MROH2A: variants seen among roughly 807,000 people sequenced by gnomAD.
The protein encoded by MROH2A is maestro heat like repeat family member 2A, also known as maestro heat-like repeat-containing protein family member 2A.
Under a neutral mutation model 200.4 loss-of-function variants are expected in MROH2A, and 174 were observed. The ratio of observed to expected loss-of-function variants is 0.87; its 90% CI spans 0.77 to 0.98. The LOEUF is 0.98. Ranked by LOEUF, MROH2A falls within the 50% of genes least tolerant of loss-of-function variation. The probability of loss-of-function intolerance (pLI) is 0.00; values close to 1 mark genes in which losing one functional copy is unlikely to be tolerated. For synonymous variants in MROH2A, 829 were observed against 840.4 expected, an observed-to-expected ratio of 0.99 and a Z score of 0.23; for missense variants, 2,045 against 2,139.6, an observed-to-expected ratio of 0.96 and a Z score of 0.87.
chr2:233,797,551 G>A (rs891697374), intron 11 of MROH2A, among the ~76,000 whole-genome samples: 1 of 152,184 alleles, frequency 6.6e-6, no homozygotes, highest in African/African-American at 2.4e-5. Context: ...ACAACGTGGG[G>A]CAGTATTTAT....
At chr2:233,808,071 C>T (rs571532395) in intron 21 of MROH2A, among the ~76,000 whole-genome samples, 1 of 152,320 alleles carries the variant, frequency 6.6e-6, no homozygotes, top group African/African-American at 2.4e-5. Context: ...CTTTCCAGGA[C>T]CCAGATACTG....
chr2:233,811,014 G>A, intron 23 of MROH2A, 98 bp downstream of exon 23: 1 of 1,352,646 alleles, frequency 7.4e-7, no homozygotes, highest in Non-Finnish European at 1.0e-6. Context: ...CATCTGCAGA[G>A]CTCTCTGAAG....
intron 37 of MROH2A, among the ~76,000 whole-genome samples, chr2:233,829,307 G>C (rs551400573): frequency 6.6e-6 from 1 of 152,082 alleles, no homozygotes; most frequent in African/African-American, 2.4e-5. Context: ...GGAGGGAAGG[G>C]TCTCCCCCTT....
At position 233,820,373 on chromosome 2, in the gene MROH2A, A is replaced by G. The variant is rs1238403279; in HGVS notation, c.3512+317A>G. Among the ~76,000 whole-genome samples the G allele has an allele frequency of 1.3e-5, 2 of 152,194 alleles. No individual in the cohort carries two copies. The highest frequency in any genetic ancestry group is 2.4e-5 in the African/African-American group (1 of 41,458). On this transcript the variant is annotated intron_variant, in intron 31 of 41. Coordinates refer to ENST00000389758, the MANE Select transcript of MROH2A (RefSeq NM_001394639.1). This position sits in a 1 kb window ranked among gnomAD's most constrained non-coding sequence, Gnocchi z 4.1. ...CCTTCCCTGTGAACAGAGCTCCAGC[A>G]GATGGGCTGCAGGGTGCGGCTCCAA...
chr2:233,823,994 G>A (rs922608685), intron 35 of MROH2A, among the ~76,000 whole-genome samples: 4 of 152,154 alleles, frequency 2.6e-5, no homozygotes. Flanking sequence ...AGAGGCCGAG[G>A]GGCTTTGCTA....
intron 24 of MROH2A, among the ~76,000 whole-genome samples, chr2:233,812,920 G>A (rs902908679): frequency 2.0e-5 from 3 of 152,184 alleles, no homozygotes; most frequent in African/African-American, 4.8e-5. Context: ...AGACACTTTG[G>A]GGGAGCAGGA....
intron 13 of MROH2A, 64 bp from the exon 14 acceptor site, chr2:233,800,141 C>A: frequency 7.9e-7 from 1 of 1,260,108 alleles, no homozygotes; most frequent in Non-Finnish European, 1.1e-6. Context: ...GAGGAGACCA[C>A]ACCTGAGACC....
At chr2:233,821,585 G>A (rs1703939436) in intron 31 of MROH2A, among the ~76,000 whole-genome samples, 1 of 152,176 alleles carries the variant, frequency 6.6e-6, no homozygotes, top group Admixed American at 6.5e-5. Context: ...ACCTATCCTG[G>A]GGGACATCCC....
chr2:233,805,141 G>A, intron 19 of MROH2A, 30 bp downstream of exon 19: 4 of 1,464,142 alleles, frequency 2.7e-6, no homozygotes, highest in Non-Finnish European at 3.7e-6. Context: ...GGAGAGTTTG[G>A]ACAAGGAGTA....
At chr2:233,802,077 G>C in intron 14 of MROH2A, 91 bp from the exon 15 acceptor site, 1 of 1,367,902 alleles carries the variant, frequency 7.3e-7, no homozygotes, top group African/African-American at 1.5e-5. Flanking sequence ...AGCAGGGATG[G>C]GATGGCACCA....
chr2:233,803,322 G>C, intron 15 of MROH2A, 126 bp from the exon 16 acceptor site: 2 of 947,976 alleles, frequency 2.1e-6, no homozygotes, highest in Non-Finnish European at 3.2e-6. Context: ...CTCCATTCTG[G>C]GGGTTTGGGG....
intron 19 of MROH2A, among the ~76,000 whole-genome samples, chr2:233,806,667 G>T (rs1418521414): frequency 1.3e-5 from 2 of 151,844 alleles, no homozygotes; most frequent in East Asian, 3.9e-4. Flanking sequence ...TTTGTTGGAG[G>T]GAGTGTAAAT....
chr2:233,806,793 T>G (rs1702819217), intron 19 of MROH2A, among the ~76,000 whole-genome samples: 1 of 152,140 alleles, frequency 6.6e-6, no homozygotes, highest in Non-Finnish European at 1.5e-5. Context: ...ATTTTATTTA[T>G]TTTTTTGAAA....
intron 19 of MROH2A, among the ~76,000 whole-genome samples, chr2:233,806,834 G>T (rs968332545): frequency 1.3e-5 from 2 of 152,018 alleles, no homozygotes; most frequent in Non-Finnish European, 2.9e-5. Context: ...TTGGGGAACT[G>T]GTGGTCTTCG....
At chr2:233,811,742 A>C in intron 23 of MROH2A, 138 bp from the exon 24 acceptor site, 1 of 652,438 alleles carries the variant, frequency 1.5e-6, no homozygotes, top group Non-Finnish European at 2.7e-6. Flanking sequence ...CCAAAAGCCA[A>C]ATGGCCCTAA....
At position 233,805,129 on chromosome 2, in the gene MROH2A, C is replaced by T. The variant is rs559572575; in HGVS notation, c.2052+18C>T. 2.8e-4 allele frequency: 419 copies of T among 1,519,344 alleles called. 3 individuals are homozygous for T. The South Asian group carries it at 4.6e-3, about 17-fold the overall frequency. The allele number at this position is 1,519,344 out of a possible 1,614,324, so 94.1% of individuals were successfully genotyped here. A position where few individuals can be genotyped will look rare whatever the true frequency, so the allele number is the denominator to read the frequency against. ...TGGAGAAGGTTTGTCTTCATAGGGA[C>T]AGGAGAGTTTGGACAAGGAGTAGAC... On this transcript the variant is annotated intron_variant, in intron 19 of 41. Transcript: ENST00000389758.
chr2:233,815,970 A>AT (rs1277768863), intron 26 of MROH2A, among the ~76,000 whole-genome samples: 1 of 150,862 alleles, frequency 6.6e-6, no homozygotes, highest in South Asian at 2.1e-4. Context: ...TTATTTAGAG[A>AT]TTTTCAAATA....
In MROH2A at chr2:233,816,813, A is replaced by G. The variant is rs769543653; in HGVS notation, c.2889A>G (p.Glu963=). The change falls in exon 27 of 42, where the codon GAA becomes GAG. Residue 963 remains glutamate (E), a synonymous_variant. Transcript: ENST00000389758. ...AAAAGTGGATCTTGTCGGAGAAAGAATGGGAGCGGGAAAAGGCCGTGAGCC... is the reference window on the plus strand; with the variant it reads ...AAAAGTGGATCTTGTCGGAGAAAGAGTGGGAGCGGGAAAAGGCCGTGAGCC... ...LLEKWILSEK[E]WEREKAVSLH... 6.4e-7 allele frequency: 1 copy of G among 1,550,414 alleles called. No individual in the cohort carries two copies.
At chr2:233,832,099 G>A in intron 39 of MROH2A, 78 bp from the exon 40 acceptor site, 1 of 1,211,042 alleles carries the variant, frequency 8.3e-7, no homozygotes, top group Non-Finnish European at 1.2e-6. Context: ...TCTTGGTGAT[G>A]GGAACACGCT....
Sources: gnomAD v4.1 joint callset for allele counts (sites outside exome capture counted in the v4.1 genomes callset) on GRCh38, gnomAD v4.1.1 for gene constraint, Gnocchi (gnomAD v3.1) non-coding constraint, MANE v1.5 for transcripts, NCBI Gene and HGNC (gene_info 2026-07-23, HGNC 2026-07-21) for gene names.